BRME1: variants seen among roughly 807,000 people sequenced by gnomAD.
BRME1 encodes break repair meiotic recombinase recruitment factor 1.
In BRME1, 31 loss-of-function variants were observed where a neutral mutation model predicts 52.6. That is an observed-to-expected ratio of 0.59 (90% CI 0.44 to 0.80). The LOEUF is 0.80. Ranked by LOEUF, BRME1 falls within the 30% of genes least tolerant of loss-of-function variation. The pLI is 0.00. For missense variants in BRME1, 804 were observed against 860.3 expected, an observed-to-expected ratio of 0.93 and a Z score of 0.82; for synonymous variants, 359 against 353.6, an observed-to-expected ratio of 1.02 and a Z score of -0.17.
Position 13,889,689 on chromosome 19 carries a change from C to T in BRME1, c.1167G>A (p.Ser389=), listed in dbSNP as rs747313593. 38 of 1,609,418 alleles carry T rather than the reference C, an allele frequency of 2.4e-5. No homozygotes were observed. Among genetic ancestry groups the T allele is most frequent in the Non-Finnish European group, 3.0e-5 (35 of 1,178,524 alleles). ...TTTCTCCTGTGGTTTCCCCAGTGAG[C>T]GAGGTGCAGCCTGGCAAGGCCCTCC... The part of the protein sequence containing the change: ...GHRRALPGCT[S]LTGETTGESG... The change falls in exon 6 of 9, where the codon TCG becomes TCA. Residue 389 remains serine (S), a synonymous_variant. Coordinates refer to ENST00000586783, the MANE Select transcript of BRME1 (RefSeq NM_001345843.2).
chr19:13,900,880 C>A (rs1970248480), intron 2 of BRME1, among the ~76,000 whole-genome samples: 1 of 152,184 alleles, frequency 6.6e-6, no homozygotes, highest in East Asian at 1.9e-4. Flanking sequence ...CCATGTTGAC[C>A]AGGTTGGTCT....
intron 2 of BRME1, among the ~76,000 whole-genome samples, chr19:13,903,688 T>A (rs4633842): frequency 0.33 from 48,123 of 145,020 alleles, 11,013 homozygotes; most frequent in African/African-American, 0.65. Context: ...AAAAAAAAAA[T>A]AAAGTCTCCA....
Position 13,895,413 on chromosome 19 carries a change from A to G in BRME1, c.165T>C (p.Ser55=), listed in dbSNP as rs754899304. The G allele has an allele frequency of 1.5e-5, 24 of 1,613,994 alleles. No individual in the cohort carries two copies. Among genetic ancestry groups the G allele is most frequent in the Non-Finnish European group, 1.4e-5 (16 of 1,180,032 alleles). Residue 55 remains serine, a synonymous_variant, in exon 3 of 9, where the codon TCT becomes TCC. Transcript: ENST00000586783. ...EPEGKLGPVP[S]TQQHGEEPGK... is the part of the protein sequence containing the mutation. ...CTGGTTCCTCCCCGTGCTGCTGTGT[A>G]GAGGGAACAGGTCCCAATTTGCCCT... is the stretch of plus-strand genomic sequence containing the variant.
chr19:13,885,857 G>A (rs1156823649), intron 7 of BRME1, 104 bp downstream of exon 7: 5 of 942,852 alleles, frequency 5.3e-6, no homozygotes, highest in African/African-American at 3.3e-5. Flanking sequence ...TGAGGAAGTC[G>A]AGGCCCAGGG....
At position 13,883,346 on chromosome 19, in the gene BRME1, G is replaced by T; in HGVS notation, c.1818C>A (p.Asn606Lys). The T allele has an allele frequency of 1.3e-6, 2 of 1,535,364 alleles. No individual in the cohort carries two copies. The highest frequency in any genetic ancestry group is 1.7e-4 in the Middle Eastern group (1 of 5,988). The change falls in exon 8 of 9, where the codon AAC becomes AAA. Residue 606 changes from asparagine (N) to lysine (K), a missense_variant. Physicochemically the swap from Asn to Lys is moderately conservative, Grantham distance 94. This residue lies in a region of BRME1 where 552 missense variants were observed against 561.1 expected (regional missense o/e 0.98). Coordinates refer to ENST00000586783, the MANE Select transcript of BRME1 (RefSeq NM_001345843.2). The surrounding 1 kb of genome is among the most constrained non-coding windows in gnomAD (Gnocchi z 4.2). ...GCTCAACGATGAGGCCACGCACGAC[G>T]TTGGTGGCATCCTCCATCCTGGAGG... ...SEASRMEDAT[N>K]VVRGLIVELS...
intron 1 of BRME1, among the ~76,000 whole-genome samples, chr19:13,905,212 T>G (rs1416312883): frequency 6.6e-6 from 1 of 152,022 alleles, no homozygotes; most frequent in Admixed American, 6.6e-5. Context: ...CTCTGGTCCC[T>G]AGGATGAAAC....
At chr19:13,904,210 C>T (rs1300638945) in intron 2 of BRME1, among the ~76,000 whole-genome samples, 1 of 151,884 alleles carries the variant, frequency 6.6e-6, no homozygotes, top group Non-Finnish European at 1.5e-5. Context: ...TTCAAGCAAT[C>T]TTCCTGCCTC....
At chr19:13,893,350 G>A in intron 3 of BRME1, 127 bp from the exon 4 acceptor site, 3 of 715,110 alleles carry the variant, frequency 4.2e-6, no homozygotes, top group Non-Finnish European at 7.1e-6. Context: ...CCAACCTGGG[G>A]AACATGGTGA....
At chr19:13,884,268 A>G (rs1968839962) in intron 7 of BRME1, among the ~76,000 whole-genome samples, 1 of 152,144 alleles carries the variant, frequency 6.6e-6, no homozygotes, top group Non-Finnish European at 1.5e-5. Flanking sequence ...TGAGCCTGGG[A>G]GATGGAGGCT....
At chr19:13,887,299 G>C (rs1969104807) in intron 6 of BRME1, among the ~76,000 whole-genome samples, 1 of 152,236 alleles carries the variant, frequency 6.6e-6, no homozygotes, top group Non-Finnish European at 1.5e-5. Context: ...TTCCTTGCCT[G>C]GGTCGCCTCA....
chr19:13,892,720 C>A (rs1173935548), intron 5 of BRME1, 66 bp downstream of exon 5: 1 of 1,330,664 alleles, frequency 7.5e-7, no homozygotes, highest in African/African-American at 1.4e-5. Context: ...TTAAATGGGG[C>A]TGCCGAGGCT....
At position 13,890,092 on chromosome 19, in the gene BRME1, C is replaced by T. The variant is rs756704932; in HGVS notation, c.764G>A (p.Gly255Glu). The change falls in exon 6 of 9, where the codon GGA becomes GAA. Residue 255 changes from glycine to glutamate, a missense_variant. By Grantham distance (98) the Gly-to-Glu change is moderately conservative. This residue lies in a region of BRME1 where 552 missense variants were observed against 561.1 expected (regional missense o/e 0.98). Coordinates refer to ENST00000586783, the MANE Select transcript of BRME1 (RefSeq NM_001345843.2). ...EKPDRGAPQE[G>E]GAQRTAGAGL... ...AGCCCCTGCTGTCCTTTGGGCCCCT[C>T]CCTCCTGGGGGGCTCCTCTGTCTGG... 6.2e-7 allele frequency: 1 copy of T among 1,613,958 alleles called. No homozygotes were observed. The highest frequency in any genetic ancestry group is 1.1e-5 in the South Asian group (1 of 91,076).
chr19:13,895,028 G>A (rs1969778569), intron 3 of BRME1, among the ~76,000 whole-genome samples: 1 of 151,908 alleles, frequency 6.6e-6, no homozygotes. Flanking sequence ...TTACAGGTGC[G>A]CCACCACACC....
At chr19:13,891,077 C>G (rs1969458172) in intron 5 of BRME1, among the ~76,000 whole-genome samples, 1 of 151,926 alleles carries the variant, frequency 6.6e-6, no homozygotes, top group Non-Finnish European at 1.5e-5. Context: ...GGTACTCAAT[C>G]AGATCAGGGA....
rs752065500 is a variant in BRME1, at chr19:13,890,307, C to G, written c.549G>C (p.Val183=). 1 of 1,607,732 alleles carries G rather than the reference C, an allele frequency of 6.2e-7. No individual in the cohort carries two copies. Among genetic ancestry groups the G allele is most frequent in the African/African-American group, 1.3e-5 (1 of 74,980 alleles). Reference sequence around the variant, plus strand: ...CAGGCTGAGAATCCCCACTGCCGGGCACCGCCTGCACAGGGCTCTGGCTGC... The same window carrying G: ...CAGGCTGAGAATCCCCACTGCCGGGGACCGCCTGCACAGGGCTCTGGCTGC... ...EQSSQSPVQA[V]PGSGDSQPDD... Residue 183 remains valine (V), a synonymous_variant, in exon 6 of 9, where the codon GTG becomes GTC. Coordinates refer to ENST00000586783, the MANE Select transcript of BRME1 (RefSeq NM_001345843.2).
intron 6 of BRME1, 53 bp from the exon 7 acceptor site, chr19:13,886,108 T>G: frequency 1.7e-5 from 25 of 1,474,218 alleles, no homozygotes; most frequent in Non-Finnish European, 2.2e-5. Flanking sequence ...GGGCAAGCTC[T>G]GCACAGGGGA....
rs1260824867 is a variant in BRME1, at chr19:13,902,913, G to A, written c.31+1949C>T. Among the ~76,000 whole-genome samples the A allele has an allele frequency of 1.2e-4, 17 of 145,322 alleles. No individual in the cohort carries two copies. In the South Asian group the frequency reaches 1.7e-3, roughly 15 times the overall value. On this transcript the variant is annotated intron_variant, in intron 2 of 8. Transcript: ENST00000586783. ...GCACTCCAGCCTGGGCAACAAGAGC[G>A]AAACTCCGTCTCAAAAAAAAAAAAA...
intron 2 of BRME1, among the ~76,000 whole-genome samples, chr19:13,898,630 A>G (rs548506510): frequency 6.6e-6 from 1 of 152,038 alleles, no homozygotes; most frequent in East Asian, 1.9e-4. Flanking sequence ...ACTAAAGAAT[A>G]ACACTATCCA....
At position 13,885,888 on chromosome 19, in the gene BRME1, T is replaced by C. The variant is rs1599316838; in HGVS notation, c.1763+73A>G. 4 of 1,339,208 alleles carry C rather than the reference T, an allele frequency of 3.0e-6. No individual in the cohort carries two copies. The East Asian group carries it at 9.3e-5, about 31-fold the overall frequency. 83.0% of individuals were successfully genotyped at this position (1,339,208 alleles called of 1,614,324 possible). A position where few individuals can be genotyped will look rare whatever the true frequency, so the allele number is the denominator to read the frequency against. On this transcript the variant is annotated intron_variant, in intron 7 of 8. Coordinates refer to ENST00000586783, the MANE Select transcript of BRME1 (RefSeq NM_001345843.2). ...CAGGGAGGGAGAACTGGGGTCTGTC[T>C]CCTCCATCTGTCACCCTCCTTGGTA...
Sources: allele counts gnomAD v4.1 joint callset (sites outside exome capture counted in the v4.1 genomes callset), GRCh38; gene constraint gnomAD v4.1.1; regional missense constraint gnomAD v4.1.1; non-coding constraint Gnocchi (gnomAD v3.1); transcripts MANE v1.5; gene names NCBI Gene and HGNC (gene_info 2026-07-23, HGNC 2026-07-21).